DPP10: variants seen among roughly 807,000 people sequenced by gnomAD.
The protein encoded by DPP10 is inactive dipeptidyl peptidase 10.
Under a neutral mutation model 120.9 loss-of-function variants are expected in DPP10, and 33 were observed. That is an observed-to-expected ratio of 0.27 (90% confidence interval 0.21 to 0.37). DPP10 has a LOEUF of 0.37. Ranked by LOEUF, DPP10 falls within the 10% of genes least tolerant of loss-of-function variation. DPP10 has a pLI of 1.00. For synonymous variants in DPP10, 337 were observed against 326.1 expected, an observed-to-expected ratio of 1.03 and a Z score of -0.36; for missense variants, 816 against 942.8, an observed-to-expected ratio of 0.87 and a Z score of 1.76.
Position 115,842,570 on chromosome 2 carries a change from T to C in DPP10, c.*225T>C. ...TCTTTGTATGAGAGAGGTCAAAGGG[T>C]TGGTTTCCTGGGAGAAATTAGTTTT... On this transcript the variant is annotated 3_prime_UTR_variant, in exon 26 of 26. Coordinates refer to ENST00000410059, the MANE Select transcript of DPP10 (RefSeq NM_020868.6). 1 of 394,870 alleles carries C rather than the reference T, an allele frequency of 2.5e-6. No individual in the cohort carries two copies. The highest frequency in any genetic ancestry group is 4.3e-6 in the Non-Finnish European group (1 of 230,304). The allele number at this position is 394,870 out of a possible 1,614,324, so 24.5% of individuals were successfully genotyped here.
At chr2:114,805,811 T>C (rs894207971) in intron 1 of DPP10, among the ~76,000 whole-genome samples, 2 of 152,172 alleles carry the variant, frequency 1.3e-5, no homozygotes, top group Non-Finnish European at 2.9e-5. Context: ...ATGCTTGACC[T>C]GAAAGTGACA....
chr2:115,810,706 C>T (rs1339129262), intron 19 of DPP10, among the ~76,000 whole-genome samples: 1 of 152,162 alleles, frequency 6.6e-6, no homozygotes, highest in East Asian at 1.9e-4. Flanking sequence ...CTGCTTAAAA[C>T]AGATGGAATT....
intron 1 of DPP10, among the ~76,000 whole-genome samples, chr2:115,265,685 A>T (rs761298478): frequency 1.3e-4 from 20 of 152,120 alleles, no homozygotes; most frequent in Non-Finnish European, 2.5e-4. Flanking sequence ...TTTTAGGTTT[A>T]ATGGTGGCCA....
chr2:115,332,678 A>T (rs1025171834), intron 2 of DPP10, among the ~76,000 whole-genome samples: 11 of 152,100 alleles, frequency 7.2e-5, no homozygotes, highest in Admixed American at 2.0e-4. Context: ...TCATTTTGTT[A>T]TGTACCCAGT....
chr2:114,513,179 C>T (rs1463055884), intron 1 of DPP10, among the ~76,000 whole-genome samples: 3 of 152,116 alleles, frequency 2.0e-5, no homozygotes, highest in Non-Finnish European at 4.4e-5. Context: ...TCTTCATTCT[C>T]ACTTCACCTT....
chr2:115,717,083 T>G (rs955282218), intron 7 of DPP10, among the ~76,000 whole-genome samples: 4 of 152,162 alleles, frequency 2.6e-5, no homozygotes, highest in Non-Finnish European at 4.4e-5. Flanking sequence ...TTGTTAATCT[T>G]TGGATGAATG....
rs540156591 is a variant in DPP10 at position 115,320,525 on chromosome 2, A to C, written c.175+11172A>C. On this transcript the variant is annotated intron_variant, in intron 2 of 25. Coordinates refer to ENST00000410059, the MANE Select transcript of DPP10 (RefSeq NM_020868.6). ...TTTTCTTATGGTTATGTTGGTCATC[A>C]TAATTCATATTTTAAATTTAGAACA... Among the ~76,000 whole-genome samples, 56 of 151,752 alleles carry C rather than the reference A, an allele frequency of 3.7e-4. 1 individual carries two copies. The South Asian group carries it at 0.012, about 32-fold the overall frequency.
At chr2:115,087,216 C>T (rs974789402) in intron 1 of DPP10, among the ~76,000 whole-genome samples, 4 of 152,170 alleles carry the variant, frequency 2.6e-5, no homozygotes, top group Non-Finnish European at 4.4e-5. Flanking sequence ...AACTGAAACA[C>T]CTAGCTGAGT....
chr2:115,055,716 G>C (rs944709559), intron 1 of DPP10, among the ~76,000 whole-genome samples: 1 of 152,158 alleles, frequency 6.6e-6, no homozygotes, highest in Non-Finnish European at 1.5e-5. Flanking sequence ...TCATTTGTCT[G>C]CCACCCAGTT....
intron 2 of DPP10, among the ~76,000 whole-genome samples, chr2:115,327,917 G>A (rs1303254768): frequency 6.6e-6 from 1 of 151,982 alleles, no homozygotes; most frequent in Non-Finnish European, 1.5e-5. Flanking sequence ...AGGGTGCCTG[G>A]AGTTTTATCA....
At chr2:114,594,930 T>G (rs573520563) in intron 1 of DPP10, among the ~76,000 whole-genome samples, 1 of 152,168 alleles carries the variant, frequency 6.6e-6, no homozygotes, top group South Asian at 2.1e-4. Flanking sequence ...TGACTGTCTC[T>G]CTCTGTCTCC....
intron 3 of DPP10, among the ~76,000 whole-genome samples, chr2:115,394,632 A>G (rs899964066): frequency 1.3e-5 from 2 of 152,164 alleles, no homozygotes; most frequent in Admixed American, 1.3e-4. Flanking sequence ...CAACTATCAA[A>G]ATAGCCCATA....
chr2:115,257,037 G>C (rs961393842), intron 1 of DPP10, among the ~76,000 whole-genome samples: 2 of 152,184 alleles, frequency 1.3e-5, no homozygotes. Flanking sequence ...CCAGTTCCCA[G>C]TAGGTGCCTT....
At chr2:114,477,339 AC>A (rs751624551) in intron 1 of DPP10, among the ~76,000 whole-genome samples, 4 of 152,054 alleles carry the variant, frequency 2.6e-5, no homozygotes, top group Non-Finnish European at 5.9e-5. Flanking sequence ...TTTTGGGTGT[AC>A]TTGTGGTTTG....
rs187395513 is a variant in DPP10 at position 114,676,941 on chromosome 2, C to T, written c.60+234103C>T. On this transcript the variant is annotated intron_variant, in intron 1 of 25. Transcript: ENST00000410059. ...GACAGAGCACTTTAAACATCAAACA[C>T]GTGATGTTATTTTGTCATACTCACT... Among the ~76,000 whole-genome samples, 13 of 152,096 alleles carry T rather than the reference C, an allele frequency of 8.5e-5. No homozygotes were observed. In the East Asian group the frequency reaches 2.5e-3, roughly 29 times the overall value.
intron 1 of DPP10, among the ~76,000 whole-genome samples, chr2:114,575,879 C>T (rs892669812): frequency 1.3e-5 from 2 of 152,132 alleles, no homozygotes; most frequent in South Asian, 2.1e-4. Flanking sequence ...CATCCCCACC[C>T]CCTCCACTTA....
intron 5 of DPP10, among the ~76,000 whole-genome samples, chr2:115,627,316 A>T (rs139613831): frequency 6.6e-6 from 1 of 152,164 alleles, no homozygotes; most frequent in East Asian, 1.9e-4. Flanking sequence ...GTTCATACAC[A>T]TTCATACTCA....
At chr2:114,592,051 G>A (rs904765021) in intron 1 of DPP10, among the ~76,000 whole-genome samples, 1 of 152,158 alleles carries the variant, frequency 6.6e-6, no homozygotes, top group African/African-American at 2.4e-5. Context: ...TTAGAGAGTC[G>A]ATGGAAAATT....
chr2:114,661,337 C>T (rs1697387459), intron 1 of DPP10, among the ~76,000 whole-genome samples: 1 of 152,126 alleles, frequency 6.6e-6, no homozygotes, highest in African/African-American at 2.4e-5. Flanking sequence ...TTTCTCTTAG[C>T]AAATTTGGTT....
Sources: allele counts gnomAD v4.1 joint callset (sites outside exome capture counted in the v4.1 genomes callset), GRCh38; gene constraint gnomAD v4.1.1; transcripts MANE v1.5; gene names NCBI Gene and HGNC (gene_info 2026-07-23, HGNC 2026-07-21).